CEP128: variants seen among roughly 807,000 people sequenced by gnomAD.
The protein encoded by CEP128 is centrosomal protein 128kDa.
CEP128 carries 132 observed loss-of-function variants against 156.7 expected under a neutral mutation model. The ratio of observed to expected loss-of-function variants is 0.84; its 90% CI spans 0.73 to 0.97. The LOEUF (loss-of-function observed/expected upper bound fraction) is 0.97, where lower values mean the gene tolerates loss of function less well. CEP128 is among the 50% of genes least tolerant of loss of function. The probability of loss-of-function intolerance (pLI) is 0.00; values close to 1 mark genes in which losing one functional copy is unlikely to be tolerated. For missense variants in CEP128, 1,252 were observed against 1,281.9 expected, an observed-to-expected ratio of 0.98 and a Z score of 0.36; for synonymous variants, 469 against 448.9, an observed-to-expected ratio of 1.04 and a Z score of -0.57.
At chr14:80,767,393 C>T (rs758788295) in intron 16 of CEP128, among the ~76,000 whole-genome samples, 14 of 152,012 alleles carry the variant, frequency 9.2e-5, no homozygotes, top group Middle Eastern at 3.4e-3. Context: ...TGGAGAGCTC[C>T]TTAAACTCAA....
chr14:80,495,609 C>T (rs1314929852), downstream of CEP128, among the ~76,000 whole-genome samples: 2 of 151,756 alleles, frequency 1.3e-5, no homozygotes, highest in Non-Finnish European at 2.9e-5. Flanking sequence ...TGTTTTCAAG[C>T]ATTTCTCAAG....
intron 8 of CEP128, among the ~76,000 whole-genome samples, chr14:80,867,834 A>G (rs1421511844): frequency 6.6e-6 from 1 of 152,178 alleles, no homozygotes. Flanking sequence ...TATATCTGGA[A>G]AAAGAACACC....
chr14:80,942,261 C>T (rs1452549824), upstream of CEP128: 1 of 152,128 alleles, frequency 6.6e-6, no homozygotes, highest in African/African-American at 2.4e-5. Context: ...ACCTGTTTGG[C>T]CTGGAAAGAG....
chr14:80,815,954 G>A (rs1428415663), intron 13 of CEP128, among the ~76,000 whole-genome samples: 1 of 152,122 alleles, frequency 6.6e-6, no homozygotes, highest in South Asian at 2.1e-4. Context: ...GAGACCCAGA[G>A]GGTGGGAGGG....
chr14:80,659,300 G>A (rs1222550352), intron 19 of CEP128, among the ~76,000 whole-genome samples: 2 of 152,038 alleles, frequency 1.3e-5, no homozygotes, highest in Admixed American at 6.6e-5. Flanking sequence ...TTTCTAAAAT[G>A]GCCCTCTCTG....
chr14:80,877,893 T>C (rs1566687822), intron 8 of CEP128, among the ~76,000 whole-genome samples: 1 of 146,968 alleles, frequency 6.8e-6, no homozygotes, highest in Non-Finnish European at 1.5e-5. Flanking sequence ...CGCAGGTACC[T>C]CAGGCCTCTG....
intron 19 of CEP128, among the ~76,000 whole-genome samples, chr14:80,620,423 T>C (rs924289019): frequency 4.6e-5 from 7 of 152,002 alleles, no homozygotes; most frequent in African/African-American, 7.2e-5. Context: ...AATAAGTCTA[T>C]ACCAAATACA....
chr14:80,515,708 G>C (rs954528602), intron 23 of CEP128, among the ~76,000 whole-genome samples: 4 of 152,122 alleles, frequency 2.6e-5, no homozygotes, highest in African/African-American at 4.8e-5. Context: ...TGTTGCCCAA[G>C]CTGCAAGACA....
At chr14:80,824,299 C>G (rs1230574446) in intron 13 of CEP128, among the ~76,000 whole-genome samples, 1 of 152,206 alleles carries the variant, frequency 6.6e-6, no homozygotes, top group Non-Finnish European at 1.5e-5. Flanking sequence ...GCCCTGGAGA[C>G]ATTTTCCCCA....
intron 19 of CEP128, among the ~76,000 whole-genome samples, chr14:80,659,329 T>C (rs1261445421): frequency 1.3e-5 from 2 of 152,188 alleles, no homozygotes; most frequent in Non-Finnish European, 2.9e-5. Flanking sequence ...TAATTTATCT[T>C]AACATGCATT....
rs182088617 is a variant in CEP128 at position 80,782,472 on chromosome 14, C to T, written c.2211+2423G>A. Among the ~76,000 whole-genome samples, 222 of 152,304 alleles carry T rather than the reference C, an allele frequency of 1.5e-3. 1 individual carries two copies. The highest frequency in any genetic ancestry group is 6.8e-3 in the Middle Eastern group (2 of 294). On this transcript the variant is annotated intron_variant, in intron 15 of 24. Coordinates refer to ENST00000555265, the MANE Select transcript of CEP128 (RefSeq NM_152446.5). ...TGGAAGTACTTTACACGCTCCTAGA[C>T]TAGTCTCGGTCAGTTTGTACCAGTC... is the stretch of plus-strand genomic sequence containing the variant.
chr14:80,501,894 G>A (rs1045935547), intron 24 of CEP128, among the ~76,000 whole-genome samples: 1 of 151,896 alleles, frequency 6.6e-6, no homozygotes, highest in Non-Finnish European at 1.5e-5. Flanking sequence ...CATAAGACAC[G>A]TCCACAAGTG....
chr14:80,660,209 T>C (rs1468341380), intron 19 of CEP128, among the ~76,000 whole-genome samples: 1 of 152,190 alleles, frequency 6.6e-6, no homozygotes, highest in Non-Finnish European at 1.5e-5. Flanking sequence ...CTTTGAGATA[T>C]GAAAAGATTT....
chr14:80,577,246 C>T (rs927343452), intron 20 of CEP128, among the ~76,000 whole-genome samples: 2 of 152,084 alleles, frequency 1.3e-5, no homozygotes, highest in Non-Finnish European at 1.5e-5. Context: ...TTCACATTCG[C>T]TATATGACTT....
chr14:80,958,152 C>T (rs548595391), intron 2 of CEP128: 1 of 151,420 alleles, frequency 6.6e-6, no homozygotes, highest in African/African-American at 2.4e-5. Flanking sequence ...ACATGTAAAG[C>T]TAACAATTAT....
At chr14:80,702,135 T>C (rs1897095737) in intron 19 of CEP128, among the ~76,000 whole-genome samples, 1 of 152,216 alleles carries the variant, frequency 6.6e-6, no homozygotes, top group Admixed American at 6.5e-5. Flanking sequence ...TTGTTTTTGT[T>C]TGTTGTCTGT....
At chr14:80,493,343 C>T (rs1194092586), downstream of CEP128, among the ~76,000 whole-genome samples, 1 of 152,116 alleles carries the variant, frequency 6.6e-6, no homozygotes, top group Non-Finnish European at 1.5e-5. Flanking sequence ...ATTTCCCACC[C>T]CCAACATTCT....
intron 19 of CEP128, among the ~76,000 whole-genome samples, chr14:80,639,482 C>T (rs1894322801): frequency 6.6e-6 from 1 of 152,068 alleles, no homozygotes; most frequent in Admixed American, 6.6e-5. Flanking sequence ...CAATGTGTGC[C>T]TGAAGTAAAC....
At chr14:80,550,848 G>T (rs1031819982) in intron 21 of CEP128, among the ~76,000 whole-genome samples, 1 of 147,908 alleles carries the variant, frequency 6.8e-6, no homozygotes, top group Non-Finnish European at 1.5e-5. Flanking sequence ...CTTCCAAAAA[G>T]TATATCTCTT....
Sources: gnomAD v4.1 joint callset for allele counts (sites outside exome capture counted in the v4.1 genomes callset) on GRCh38, gnomAD v4.1.1 for gene constraint, MANE v1.5 for transcripts, NCBI Gene and HGNC (gene_info 2026-07-23, HGNC 2026-07-21) for gene names.